ORC5: variants seen among roughly 807,000 people sequenced by gnomAD.
The protein encoded by ORC5 is origin recognition complex subunit 5, also known as protein phosphatase 1, regulatory subunit 117.
A neutral mutation model predicts 58.8 loss-of-function variants in ORC5; 39 were observed. The observed-to-expected ratio is 0.66, with a 90% confidence interval of 0.51 to 0.87. ORC5 has a LOEUF of 0.87. Among genes scored for constraint, ORC5 ranks in the 40% least tolerant of loss-of-function variants. The pLI is 0.00. For missense variants in ORC5, 493 were observed against 506.3 expected (o/e 0.97, Z 0.25); for synonymous variants, 218 against 177.6 (o/e 1.23, Z -1.81).
intron 3 of ORC5, among the ~76,000 whole-genome samples, chr7:104,198,929 CAGCGTATA>C (rs1299141825): frequency 6.6e-6 from 1 of 152,240 alleles, no homozygotes; most frequent in Non-Finnish European, 1.5e-5. Context: ...TAAAAGGGGC[CAGCGTATA>C]GCTCAGGCTG....
At chr7:104,155,195 G>A (rs1185551699) in intron 12 of ORC5, among the ~76,000 whole-genome samples, 3 of 151,676 alleles carry the variant, frequency 2.0e-5, no homozygotes, top group Non-Finnish European at 3.0e-5. Flanking sequence ...AACTCCAAGT[G>A]TATCCATAGT....
At chr7:104,206,048 C>T (rs1238960473) in intron 1 of ORC5, among the ~76,000 whole-genome samples, 1 of 152,184 alleles carries the variant, frequency 6.6e-6, no homozygotes, top group African/African-American at 2.4e-5. Flanking sequence ...GAATTAAATG[C>T]ATGTTGCTGA....
At chr7:104,182,932 C>A (rs1386239750) in intron 8 of ORC5, among the ~76,000 whole-genome samples, 1 of 151,962 alleles carries the variant, frequency 6.6e-6, no homozygotes, top group African/African-American at 2.4e-5. Context: ...GTCAGGAGTT[C>A]GAGACCAGCC....
intron 12 of ORC5, among the ~76,000 whole-genome samples, chr7:104,151,179 C>G (rs932000510): frequency 6.6e-6 from 1 of 152,082 alleles, no homozygotes; most frequent in South Asian, 2.1e-4. Flanking sequence ...TGAATGTAGA[C>G]TTGGTTCTGT....
At chr7:104,177,397 A>G (rs776731770) in intron 8 of ORC5, among the ~76,000 whole-genome samples, 4 of 152,190 alleles carry the variant, frequency 2.6e-5, no homozygotes, top group Non-Finnish European at 5.9e-5. Flanking sequence ...ATAAAATTAC[A>G]AAATTGCTCA....
At chr7:104,188,570 C>A (rs1799601819) in intron 5 of ORC5, among the ~76,000 whole-genome samples, 189 bp from the exon 6 acceptor site, 1 of 152,114 alleles carries the variant, frequency 6.6e-6, no homozygotes, top group Non-Finnish European at 1.5e-5. Context: ...TATATTTGAT[C>A]TTCACTGCAG....
intron 8 of ORC5, among the ~76,000 whole-genome samples, chr7:104,179,846 C>T (rs1799399285): frequency 6.6e-6 from 1 of 152,132 alleles, no homozygotes; most frequent in African/African-American, 2.4e-5. Flanking sequence ...TCAACTCTTT[C>T]TCCCCTTGAG....
intron 13 of ORC5, among the ~76,000 whole-genome samples, chr7:104,132,795 A>G (rs1798533033): frequency 6.6e-6 from 1 of 152,198 alleles, no homozygotes; most frequent in African/African-American, 2.4e-5. Flanking sequence ...CATATAATGA[A>G]GAACAAAATG....
intron 5 of ORC5, among the ~76,000 whole-genome samples, chr7:104,191,150 T>G (rs1490225826): frequency 6.7e-6 from 1 of 148,782 alleles, no homozygotes; most frequent in Non-Finnish European, 1.5e-5. Context: ...AACTTCCCTG[T>G]AGAGTCCATG....
chr7:104,154,978 T>C lies in ORC5; in HGVS notation c.1149+6094A>G, dbSNP rs375087340. Among the ~76,000 whole-genome samples the C allele has an allele frequency of 1.1e-4, 16 of 151,946 alleles. No homozygotes were observed. In the East Asian group the frequency reaches 2.1e-3, roughly 20 times the overall value. ...GTATTTGCTAAAAAAAAAATTTTCA[T>C]AGATGAAACAACTAAATTATCATTC... is the stretch of plus-strand genomic sequence containing the variant. On this transcript the variant is annotated intron_variant, in intron 12 of 13. Coordinates refer to ENST00000297431, the MANE Select transcript of ORC5 (RefSeq NM_002553.4).
rs1283146430 is a variant in ORC5, at chr7:104,136,675, A to G, written c.1262+106T>C. 16 of 701,728 alleles carry G rather than the reference A, an allele frequency of 2.3e-5. No homozygotes were observed. The highest frequency in any genetic ancestry group is 6.7e-5 in the Admixed American group (3 of 44,694). The allele number at this position is 701,728 out of a possible 1,614,324, so 43.5% of individuals were successfully genotyped here. ...TACAGCTTATTCATTCTTGGCACTT[A>G]AATAGATGATTTTTTCATGTTTAAA... On this transcript the variant is annotated intron_variant, in intron 13 of 13. Transcript: ENST00000297431. This position sits in a 1 kb window ranked among gnomAD's most constrained non-coding sequence, Gnocchi z 4.2.
In ORC5 at chr7:104,207,931, G is replaced by A; in HGVS notation, c.-27C>T. The A allele has an allele frequency of 6.2e-7, 1 of 1,609,122 alleles. No individual in the cohort carries two copies. The highest frequency in any genetic ancestry group is 8.5e-7 in the Non-Finnish European group (1 of 1,175,522). ...CTGGCAGGCACCACCGCAGAGGCCAGTGCAGCCAGCCCACAGGACCCTTGC... is the reference window on the plus strand; with the variant it reads ...CTGGCAGGCACCACCGCAGAGGCCAATGCAGCCAGCCCACAGGACCCTTGC... On this transcript the variant is annotated 5_prime_UTR_variant, in exon 1 of 14. Transcript: ENST00000297431.
chr7:104,136,932 G>T lies in ORC5; in HGVS notation c.1150-39C>A. On this transcript the variant is annotated intron_variant, in intron 12 of 13. Coordinates refer to ENST00000297431, the MANE Select transcript of ORC5 (RefSeq NM_002553.4). This position sits in a 1 kb window ranked among gnomAD's most constrained non-coding sequence, Gnocchi z 4.2. The stretch of plus-strand genomic sequence containing the variant: ...TTTTTATAAGAAACTGTTTTAATAA[G>T]ATTATGTAATACTTTTGTTTCTGAA... 1 of 1,351,532 alleles carries T rather than the reference G, an allele frequency of 7.4e-7. No homozygotes were observed. Among genetic ancestry groups the T allele is most frequent in the East Asian group, 2.3e-5 (1 of 43,266 alleles). The allele number at this position is 1,351,532 out of a possible 1,614,324, so 83.7% of individuals were successfully genotyped here. A position where few individuals can be genotyped will look rare whatever the true frequency, so the allele number is the denominator to read the frequency against.
chr7:104,192,137 G>A (rs1038897924), intron 5 of ORC5, among the ~76,000 whole-genome samples: 1 of 152,122 alleles, frequency 6.6e-6, no homozygotes, highest in Non-Finnish European at 1.5e-5. Context: ...ACTGAGTTGA[G>A]GAGACAGAGA....
At chr7:104,159,091 T>G (rs1231493506) in intron 12 of ORC5, among the ~76,000 whole-genome samples, 1 of 151,266 alleles carries the variant, frequency 6.6e-6, no homozygotes, top group African/African-American at 2.4e-5. Flanking sequence ...TGTCCAACAA[T>G]GATAGACTGG....
intron 5 of ORC5, among the ~76,000 whole-genome samples, chr7:104,189,990 T>G (rs1051330741): frequency 4.6e-5 from 7 of 152,144 alleles, no homozygotes; most frequent in Admixed American, 4.6e-4. Flanking sequence ...CTTCTGGTAG[T>G]TAGTGTCAGA....
chr7:104,197,065 A>G (rs1324224891), intron 4 of ORC5, among the ~76,000 whole-genome samples: 2 of 152,220 alleles, frequency 1.3e-5, no homozygotes, highest in Non-Finnish European at 1.5e-5. Context: ...CATTCACAGT[A>G]GAATTAATTA....
intron 12 of ORC5, among the ~76,000 whole-genome samples, chr7:104,142,075 A>T (rs187309071): frequency 1.5e-4 from 23 of 152,290 alleles, no homozygotes; most frequent in African/African-American, 5.5e-4. Flanking sequence ...AAAGTCCAGA[A>T]ATAAAACCAC....
intron 13 of ORC5, among the ~76,000 whole-genome samples, chr7:104,134,494 G>A (rs1308919352): frequency 1.3e-5 from 2 of 149,426 alleles, no homozygotes; most frequent in African/African-American, 4.9e-5. Flanking sequence ...CTCAATACAT[G>A]AGGTGGAATG....
Sources: gnomAD v4.1 joint callset for allele counts (sites outside exome capture counted in the v4.1 genomes callset) on GRCh38, gnomAD v4.1.1 for gene constraint, Gnocchi (gnomAD v3.1) non-coding constraint, MANE v1.5 for transcripts, NCBI Gene and HGNC (gene_info 2026-07-23, HGNC 2026-07-21) for gene names.